The following AP3B2 variants were observed in gnomAD, a reference collection of about 807,000 sequenced individuals.
AP3B2 encodes the protein AP-3 complex subunit beta-2.
In AP3B2, 50 loss-of-function variants were observed where a neutral mutation model predicts 126.9. The observed-to-expected ratio is 0.39, with a 90% confidence interval of 0.31 to 0.50. AP3B2 has a LOEUF of 0.50. AP3B2 is among the 20% of genes least tolerant of loss of function. The pLI, the probability that AP3B2 is intolerant of heterozygous loss-of-function variation, is 0.79. For synonymous variants in AP3B2, 541 were observed against 565.0 expected (o/e 0.96, Z 0.60); for missense variants, 1,177 against 1,426.4 (o/e 0.83, Z 2.82).
At chr15:82,685,053 G>A (rs534360919) in intron 4 of AP3B2, 20 of 152,324 alleles carry the variant, frequency 1.3e-4, no homozygotes, top group African/African-American at 4.8e-4. Flanking sequence ...GAGGCCCAAG[G>A]TGAAGGAGAT....
rs184339082 is a variant in AP3B2, at chr15:82,659,876, G to A, written c.3124C>T (p.Arg1042Cys). ...QKVTATANLG[R>C]VPCGTSDEYR... ...TCATCAGATGTCCCACAAGGAACAC[G>A]ACCCAGGTTGGCAGTGGCAGTCACT... The change falls in exon 26 of 27, where the codon CGT becomes TGT. Residue 1042 changes from arginine to cysteine, a missense_variant. By Grantham distance (180) the Arg-to-Cys change is radical. Transcript: ENST00000535359. The A allele has an allele frequency of 1.2e-5, 20 of 1,613,968 alleles. No individual in the cohort carries two copies. Among genetic ancestry groups the A allele is most frequent in the Admixed American group, 6.7e-5 (4 of 60,014 alleles).
chr15:82,669,893 C>A (rs567622242), intron 14 of AP3B2, among the ~76,000 whole-genome samples: 2 of 145,020 alleles, frequency 1.4e-5, no homozygotes, highest in Non-Finnish European at 3.0e-5. Context: ...CCCAGCTACT[C>A]GGGAGGCTGA....
intron 3 of AP3B2, 66 bp from the exon 4 acceptor site, chr15:82,688,897 C>A: frequency 7.0e-7 from 1 of 1,434,400 alleles, no homozygotes; most frequent in Non-Finnish European, 9.5e-7. Context: ...CCCCCTACCC[C>A]TGGGATGTCA....
At chr15:82,670,973 A>G (rs1407492389) in intron 14 of AP3B2, among the ~76,000 whole-genome samples, 1 of 152,254 alleles carries the variant, frequency 6.6e-6, no homozygotes, top group African/African-American at 2.4e-5. Flanking sequence ...TGAGCATCAG[A>G]GAAATGCAAA....
intron 1 of AP3B2, chr15:82,692,328 C>A (rs17158366): frequency 0.12 from 69,798 of 568,586 alleles, 5,192 homozygotes; most frequent in African/African-American, 0.24. Context: ...AGGCTCACCA[C>A]GCAGATGCGC....
chr15:82,662,124 T>C, intron 24 of AP3B2, 44 bp downstream of exon 24: 2 of 1,531,944 alleles, frequency 1.3e-6, no homozygotes, highest in Non-Finnish European at 1.8e-6. Flanking sequence ...ACCCTGTCCC[T>C]TTCCAGCCCA....
In AP3B2 at chr15:82,692,015, T is replaced by C; in HGVS notation, c.114-2562A>G. 2.7e-6 allele frequency: 4 copies of C among 1,466,332 alleles called. No individual in the cohort carries two copies. In the South Asian group the frequency reaches 3.5e-5, roughly 13 times the overall value. The allele number at this position is 1,466,332 out of a possible 1,614,324, so 90.8% of individuals were successfully genotyped here. A position where few individuals can be genotyped will look rare whatever the true frequency, so the allele number is the denominator to read the frequency against. ...TTCTCGCATGTGATCCTTCAGGTCC[T>C]GCCAGCTGCCTGAGGAAGTCCTGAA... On this transcript the variant is annotated intron_variant, in intron 1 of 26. Coordinates refer to ENST00000535359, the MANE Select transcript of AP3B2 (RefSeq NM_001278512.2).
Position 82,664,235 on chromosome 15 carries a change from G to GTCA in AP3B2, c.2261+131_2261+132insTGA. 1 of 1,442,748 alleles carries GTCA rather than the reference G, an allele frequency of 6.9e-7. No individual in the cohort carries two copies. The highest frequency in any genetic ancestry group is 2.0e-5 in the Admixed American group (1 of 51,228). The allele number at this position is 1,442,748 out of a possible 1,614,324, so 89.4% of individuals were successfully genotyped here. On this transcript the variant is annotated intron_variant, in intron 19 of 26. Coordinates refer to ENST00000535359, the MANE Select transcript of AP3B2 (RefSeq NM_001278512.2). The surrounding 1 kb of genome is among the most constrained non-coding windows in gnomAD (Gnocchi z 4.5). The stretch of plus-strand genomic sequence containing the variant: ...TGCAGCCAGCGAAAGTAGGCGTCAT[G>GTCA]TGAGCTGACAGCCCCACCCAGCTCA...
At chr15:82,709,546 G>T (rs1169543568) in intron 1 of AP3B2, 48 bp downstream of exon 1, 2 of 1,357,666 alleles carry the variant, frequency 1.5e-6, no homozygotes, top group African/African-American at 1.5e-5. Context: ...CGCCTCGCCC[G>T]GTCCCCGGCC....
Position 82,688,696 on chromosome 15 carries a change from A to G in AP3B2, c.360+40T>C, listed in dbSNP as rs980885882. 15 of 1,551,528 alleles carry G rather than the reference A, an allele frequency of 9.7e-6. No homozygotes were observed. The African/African-American group carries it at 1.2e-4, about 13-fold the overall frequency. ...GGCCTACTCCTCCGATACAGCGCCA[A>G]CGAGGCCCAGGCCCTGGGAGGCAAA... On this transcript the variant is annotated intron_variant, in intron 4 of 26. Coordinates refer to ENST00000535359, the MANE Select transcript of AP3B2 (RefSeq NM_001278512.2).
Position 82,664,573 on chromosome 15 carries a change from A to C in AP3B2, c.2138-83T>G, listed in dbSNP as rs181343048. The C allele has an allele frequency of 1.2e-3, 1,905 of 1,527,512 alleles. 5 individuals carry two copies. The highest frequency in any genetic ancestry group is 1.5e-3 in the Non-Finnish European group (1,684 of 1,132,478). 94.6% of individuals were successfully genotyped at this position (1,527,512 alleles called of 1,614,324 possible). A position where few individuals can be genotyped will look rare whatever the true frequency, so the allele number is the denominator to read the frequency against. On this transcript the variant is annotated intron_variant, in intron 18 of 26. Coordinates refer to ENST00000535359, the MANE Select transcript of AP3B2 (RefSeq NM_001278512.2). The surrounding 1 kb of genome is among the most constrained non-coding windows in gnomAD (Gnocchi z 4.5). ...GCAGACACCTGGGTTCCACCTTCAC[A>C]TTCAGTACTGAACCCTCAAACCTCT...
At position 82,665,367 on chromosome 15, in the gene AP3B2, G is replaced by T. The variant is rs1486133342; in HGVS notation, c.1972-64C>A. 8.5e-6 allele frequency: 13 copies of T among 1,521,744 alleles called. No individual in the cohort carries two copies. The Admixed American group carries it at 1.4e-4, about 16-fold the overall frequency. The allele number at this position is 1,521,744 out of a possible 1,614,324, so 94.3% of individuals were successfully genotyped here. A position where few individuals can be genotyped will look rare whatever the true frequency, so the allele number is the denominator to read the frequency against. ...GCACTGCCAGGGCTCCCTACTGTCT[G>T]CCCCCACCAACACACACACACACAC... is the stretch of plus-strand genomic sequence containing the variant. On this transcript the variant is annotated intron_variant, in intron 16 of 26. Coordinates refer to ENST00000535359, the MANE Select transcript of AP3B2 (RefSeq NM_001278512.2). The surrounding 1 kb of genome is among the most constrained non-coding windows in gnomAD (Gnocchi z 4.4).
chr15:82,702,957 T>C (rs2048742336), intron 1 of AP3B2, among the ~76,000 whole-genome samples: 1 of 152,090 alleles, frequency 6.6e-6, no homozygotes, highest in South Asian at 2.1e-4. Context: ...TTCTCCAACC[T>C]CTCTCACTAT....
chr15:82,684,147 T>G (rs2043528689), intron 4 of AP3B2, among the ~76,000 whole-genome samples: 1 of 152,206 alleles, frequency 6.6e-6, no homozygotes, highest in Non-Finnish European at 1.5e-5. Context: ...GCCAGCCTGT[T>G]TTTTAAAGCC....
At chr15:82,685,248 T>C (rs1008701740) in intron 4 of AP3B2, 4 of 152,228 alleles carry the variant, frequency 2.6e-5, no homozygotes, top group African/African-American at 9.6e-5. Context: ...AGAGGCACAA[T>C]GTGAGCACAT....
intron 1 of AP3B2, among the ~76,000 whole-genome samples, chr15:82,698,254 C>T (rs1340184836): frequency 1.3e-5 from 2 of 151,890 alleles, no homozygotes; most frequent in African/African-American, 4.8e-5. Context: ...AACACACTCC[C>T]CCACATACAG....
At position 82,663,917 on chromosome 15, in the gene AP3B2, C is replaced by A. The variant is rs180683793; in HGVS notation, c.2320G>T (p.Gly774Ter). Reference sequence around the variant, plus strand: ...CCCTCATCAGAGGATGACGCTTCTCCTTTTCTCTCTGGCACCTTCTTCTTT... The same window carrying A: ...CCCTCATCAGAGGATGACGCTTCTCATTTTCTCTCTGGCACCTTCTTCTTT... ...KTKKKVPERK[G>*]EASSSDEGSD... Residue 774 changes from glycine to a stop codon, truncating the protein, a stop_gained, in exon 20 of 27, where the codon GGA (glycine) becomes TGA (stop). Transcript: ENST00000535359. LOFTEE classifies it high-confidence loss of function. The A allele has an allele frequency of 6.2e-7, 1 of 1,612,082 alleles. No homozygotes were observed. The highest frequency in any genetic ancestry group is 8.5e-7 in the Non-Finnish European group (1 of 1,179,830).
chr15:82,662,572 A>G, intron 23 of AP3B2, 122 bp downstream of exon 23: 1 of 909,068 alleles, frequency 1.1e-6, no homozygotes, highest in Non-Finnish European at 1.7e-6. Flanking sequence ...ATCATGTTAG[A>G]TGCTATCTCT....
chr15:82,661,148 G>T (rs549068747), intron 25 of AP3B2, among the ~76,000 whole-genome samples: 1 of 152,016 alleles, frequency 6.6e-6, no homozygotes, highest in Admixed American at 6.6e-5. Flanking sequence ...CCAAGGTTCT[G>T]TCCTTGGCCT....
Sources: gnomAD v4.1 joint callset for allele counts (sites outside exome capture counted in the v4.1 genomes callset) on GRCh38, gnomAD v4.1.1 for gene constraint, Gnocchi (gnomAD v3.1) non-coding constraint, MANE v1.5 for transcripts, NCBI Gene and HGNC (gene_info 2026-07-23, HGNC 2026-07-21) for gene names.